The following ROBO4 variants were observed in gnomAD, a reference collection of about 807,000 sequenced individuals.
ROBO4 encodes the protein roundabout homolog 4.
A neutral mutation model predicts 103.3 loss-of-function variants in ROBO4; 80 were observed. The observed-to-expected ratio is 0.77, with a 90% CI of 0.65 to 0.93. The LOEUF (loss-of-function observed/expected upper bound fraction) is 0.93. Ranked by LOEUF, ROBO4 falls within the 40% of genes least tolerant of loss-of-function variation. ROBO4 has a pLI of 0.00. For missense variants in ROBO4, 1,333 were observed against 1,305.3 expected, an observed-to-expected ratio of 1.02 and a Z score of -0.33; for synonymous variants, 504 against 529.7, an observed-to-expected ratio of 0.95 and a Z score of 0.67.
chr11:124,896,691 G>C (rs765988726), intron 2 of ROBO4, 21 bp from the exon 3 acceptor site: 1 of 1,612,418 alleles, frequency 6.2e-7, no homozygotes, highest in Non-Finnish European at 8.5e-7. Context: ...GATGGAAGGT[G>C]ACACGGAGCA....
Position 124,885,096 on chromosome 11 carries a change from G to C in ROBO4, c.2946C>G (p.Asp982Glu). 1 of 1,614,198 alleles carries C rather than the reference G, an allele frequency of 6.2e-7. No homozygotes were observed. Among genetic ancestry groups the C allele is most frequent in the East Asian group, 2.2e-5 (1 of 44,878 alleles). The stretch of plus-strand genomic sequence containing the variant: ...GACTTCTCTGGGAAGAGATCTGAGA[G>C]TCAGGGGGCCAGGGAGGCATCCCCC... ...LGRGMPPWPP[D>E]SQISSQRSQL... Residue 982 changes from aspartate to glutamate, a missense_variant, in exon 17 of 18, where the codon GAC becomes GAG. By Grantham distance (45) the Asp-to-Glu change is conservative (BLOSUM62 2). Coordinates refer to ENST00000306534, the MANE Select transcript of ROBO4 (RefSeq NM_019055.6).
chr11:124,894,682 TTA>T (rs1946853865), intron 7 of ROBO4, among the ~76,000 whole-genome samples: 2 of 152,162 alleles, frequency 1.3e-5, no homozygotes, highest in African/African-American at 4.8e-5. Context: ...AGTTTCTGAT[TTA>T]TGAGGCCTGG....
chr11:124,897,016 A>C lies in ROBO4; in HGVS notation c.316T>G (p.Ser106Ala). Residue 106 changes from serine to alanine, a missense_variant, in exon 2 of 18, where the codon TCC becomes GCC. By Grantham distance (99) the Ser-to-Ala change is moderately conservative. Coordinates refer to ENST00000306534, the MANE Select transcript of ROBO4 (RefSeq NM_019055.6). ...RGHAHDGQAL[S>A]TDLGVYTCEA... ...CATGTGTAGACACCCAGGTCTGTGG[A>C]CAGGGCCTGGCCATCGTGGGCATGT... 6.2e-7 allele frequency: 1 copy of C among 1,614,084 alleles called. No individual in the cohort carries two copies. The highest frequency in any genetic ancestry group is 8.5e-7 in the Non-Finnish European group (1 of 1,180,016).
intron 10 of ROBO4, 135 bp downstream of exon 10, chr11:124,893,553 G>T (rs928622898): frequency 6.4e-6 from 5 of 776,398 alleles, no homozygotes; most frequent in Non-Finnish European, 1.2e-5. Context: ...ACTATCAGTT[G>T]GAGTTACAGG....
At chr11:124,892,307 T>C in intron 10 of ROBO4, 1 of 320,312 alleles carries the variant, frequency 3.1e-6, no homozygotes, top group Non-Finnish European at 6.1e-6. Context: ...GATATTGGCC[T>C]CTGGCTGCCT....
Position 124,891,334 on chromosome 11 carries a change from G to C in ROBO4, c.1913C>G (p.Ala638Gly). Residue 638 changes from alanine (A) to glycine (G), a missense_variant, in exon 12 of 18, where the codon GCC becomes GGC. By Grantham distance (60) the Ala-to-Gly change is moderately conservative. Transcript: ENST00000306534. ...TTTGGCCTTCCAAGCCTCTGCAGGG[G>C]CCAGAGACAAGCGGGGAGAAGAGAG... ...RGLSSPRLSL[A>G]PAEAWKAKKK... 6.5e-7 allele frequency: 1 copy of C among 1,531,310 alleles called. No homozygotes were observed. The highest frequency in any genetic ancestry group is 1.4e-5 in the African/African-American group (1 of 72,248). 94.9% of individuals were successfully genotyped at this position (1,531,310 alleles called of 1,614,324 possible).
chr11:124,885,523 G>T (rs994608625), intron 16 of ROBO4, among the ~76,000 whole-genome samples: 1 of 151,114 alleles, frequency 6.6e-6, no homozygotes, highest in Non-Finnish European at 1.5e-5. Flanking sequence ...TTCTTCTTCT[G>T]CCATCATGGG....
At position 124,886,554 on chromosome 11, in the gene ROBO4, C is replaced by T. The variant is rs533730092; in HGVS notation, c.2704G>A (p.Ala902Thr). 21 of 1,614,202 alleles carry T rather than the reference C, an allele frequency of 1.3e-5. No homozygotes were observed. Among genetic ancestry groups the T allele is most frequent in the African/African-American group, 5.3e-5 (4 of 75,064 alleles). ...LVSSSDGSFL[A>T]DAHFARALAV... ...AGGGCCCGGGCAAAGTGAGCATCAG[C>T]GAGGAAGGAGCCATCGGAGGAGCTG... The change falls in exon 16 of 18, where the codon GCT becomes ACT. Residue 902 changes from alanine (A) to threonine (T), a missense_variant. Physicochemically the swap from Ala to Thr is moderately conservative, Grantham distance 58. Coordinates refer to ENST00000306534, the MANE Select transcript of ROBO4 (RefSeq NM_019055.6).
In ROBO4 at chr11:124,884,184, A is replaced by G. The variant is rs1306640418; in HGVS notation, c.*707T>C. 6.6e-6 allele frequency: 1 copy of G among 152,194 alleles called. No individual in the cohort carries two copies. Among genetic ancestry groups the G allele is most frequent in the African/African-American group, 2.4e-5 (1 of 41,442 alleles). The allele number at this position is 152,194 out of a possible 1,614,324, so 9.4% of individuals were successfully genotyped here. A position where few individuals can be genotyped will look rare whatever the true frequency, so the allele number is the denominator to read the frequency against. ...TTGCCATCTCTCCAGGTGCTCCCCT[A>G]AAAATGGTGCTCCGGGGAATGATCT... is the stretch of plus-strand genomic sequence containing the variant. On this transcript the variant is annotated 3_prime_UTR_variant, in exon 18 of 18. Transcript: ENST00000306534.
At chr11:124,894,570 C>A (rs761590811) in intron 7 of ROBO4, 2 of 571,640 alleles carry the variant, frequency 3.5e-6, no homozygotes, top group Non-Finnish European at 6.1e-6. Context: ...AGGGCACAAG[C>A]AAGCTGCTAA....
rs1176850078 is a variant in ROBO4 at position 124,896,336 on chromosome 11, AC to A, written c.559-19del. 6.2e-7 allele frequency: 1 copy of A among 1,613,334 alleles called. No individual in the cohort carries two copies. Among genetic ancestry groups the A allele is most frequent in the Admixed American group, 1.7e-5 (1 of 59,974 alleles). On this transcript the variant is annotated intron_variant, in intron 3 of 17. Coordinates refer to ENST00000306534, the MANE Select transcript of ROBO4 (RefSeq NM_019055.6). Reference sequence around the variant, plus strand: ...CCGGACACCTGTCAGGGCCAGGTTCACTGTGAAGTCTCCTATGTGGGGAGGG... The same window carrying A: ...CCGGACACCTGTCAGGGCCAGGTTCATGTGAAGTCTCCTATGTGGGGAGGG...
Position 124,895,662 on chromosome 11 carries a change from G to T in ROBO4, c.831C>A (p.Ala277=), listed in dbSNP as rs757219027. The change falls in exon 6 of 18, where the codon GCC becomes GCA. Residue 277 remains alanine, a synonymous_variant. Coordinates refer to ENST00000306534, the MANE Select transcript of ROBO4 (RefSeq NM_019055.6). ...SWKVSGPAAP[A]QSYTALFRTQ... is the part of the protein sequence containing the mutation. ...TCCTGAACAAGGCCGTGTAAGATTG[G>T]GCAGGCGCAGCAGGGCCACTGACCT... The T allele has an allele frequency of 1.9e-6, 3 of 1,613,060 alleles. No homozygotes were observed. The highest frequency in any genetic ancestry group is 2.5e-6 in the Non-Finnish European group (3 of 1,179,328).
Position 124,895,537 on chromosome 11 carries a change from T to C in ROBO4, c.956A>G (p.Tyr319Cys). 1 of 1,612,484 alleles carries C rather than the reference T, an allele frequency of 6.2e-7. No individual in the cohort carries two copies. The highest frequency in any genetic ancestry group is 8.5e-7 in the Non-Finnish European group (1 of 1,180,012). Residue 319 changes from tyrosine to cysteine, a missense_variant, in exon 6 of 18, where the codon TAC becomes TGC. Physicochemically the swap from Tyr to Cys is radical, Grantham distance 194. Coordinates refer to ENST00000306534, the MANE Select transcript of ROBO4 (RefSeq NM_019055.6). Reference sequence around the variant, plus strand: ...AGAGGATGGTCTCACTTTGAACTCGTAGTCTTGGCCCCAGTGGAGGCCTCC... The same window carrying C: ...AGAGGATGGTCTCACTTTGAACTCGCAGTCTTGGCCCCAGTGGAGGCCTCC... Reference protein sequence around the residue: ...ELGGLHWGQDYEFKVRPSSGR... With the variant: ...ELGGLHWGQDCEFKVRPSSGR...
chr11:124,887,761 T>C lies in ROBO4; in HGVS notation c.2028A>G (p.Arg676=). 1.2e-6 allele frequency: 2 copies of C among 1,614,008 alleles called. No homozygotes were observed. Among genetic ancestry groups the C allele is most frequent in the African/African-American group, 2.7e-5 (2 of 75,026 alleles). ...LELRACELGN[R]GSKNLSQSPG... ...GGCTTTGGGAAAGGTTCTTGGAACC[T>C]CTATTTCCTAACTCACAGGCCCGGA... The change falls in exon 13 of 18, where the codon AGA becomes AGG. Residue 676 remains arginine (R), a synonymous_variant. Transcript: ENST00000306534.
Position 124,897,240 on chromosome 11 carries a change from G to C in ROBO4, c.92C>G (p.Pro31Arg), listed in dbSNP as rs998371318. Reference sequence around the variant, plus strand: ...CTGGGGGTGGACTAGGATCTGGGGCGGGGAGTCCTGAGCCATGCCTCCTGG... The same window carrying C: ...CTGGGGGTGGACTAGGATCTGGGGCCGGGAGTCCTGAGCCATGCCTCCTGG... Reference protein sequence around the residue: ...LIMGGMAQDSPPQILVHPQDQ... With the variant: ...LIMGGMAQDSRPQILVHPQDQ... Residue 31 changes from proline (P) to arginine (R), a missense_variant, in exon 2 of 18, where the codon CCG becomes CGG. Physicochemically the swap from Pro to Arg is moderately radical, Grantham distance 103 (BLOSUM62 -2). Transcript: ENST00000306534. 6.9e-7 allele frequency: 1 copy of C among 1,454,134 alleles called. No individual in the cohort carries two copies. Among genetic ancestry groups the C allele is most frequent in the African/African-American group, 1.4e-5 (1 of 70,272 alleles). 90.1% of individuals were successfully genotyped at this position (1,454,134 alleles called of 1,614,324 possible). A position where few individuals can be genotyped will look rare whatever the true frequency, so the allele number is the denominator to read the frequency against.
rs1225685486 is a variant in ROBO4, at chr11:124,895,648, G to A, written c.845C>T (p.Ala282Val). ...CGGGGCAGTCTGGGTCCTGAACAAG[G>A]CCGTGTAAGATTGGGCAGGCGCAGC... ...GPAAPAQSYT[A>V]LFRTQTAPGG... The change falls in exon 6 of 18, where the codon GCC becomes GTC. Residue 282 changes from alanine to valine, a missense_variant. Coordinates refer to ENST00000306534, the MANE Select transcript of ROBO4 (RefSeq NM_019055.6). 2.5e-6 allele frequency: 4 copies of A among 1,613,912 alleles called. No individual in the cohort carries two copies. The highest frequency in any genetic ancestry group is 4.5e-5 in the East Asian group (2 of 44,866).
rs1196662466 is a variant in ROBO4, at chr11:124,893,853, C to T, written c.1504+7G>A. The T allele has an allele frequency of 6.2e-7, 1 of 1,613,168 alleles. No homozygotes were observed. The highest frequency in any genetic ancestry group is 8.5e-7 in the Non-Finnish European group (1 of 1,179,678). ...TGTATACATGTGGGTCCCCCTCAGACTCTCACCTGGGCCCAGGTGCACCCT... is the reference window on the plus strand; with the variant it reads ...TGTATACATGTGGGTCCCCCTCAGATTCTCACCTGGGCCCAGGTGCACCCT... On this transcript the variant is annotated splice_region_variant and intron_variant, in intron 9 of 17. Transcript: ENST00000306534.
chr11:124,895,572 G>T lies in ROBO4; in HGVS notation c.921C>A (p.Ser307Arg), dbSNP rs534292971. 1 of 1,613,216 alleles carries T rather than the reference G, an allele frequency of 6.2e-7. No individual in the cohort carries two copies. The highest frequency in any genetic ancestry group is 1.7e-5 in the Admixed American group (1 of 60,012). The change falls in exon 6 of 18, where the codon AGC becomes AGA. Residue 307 changes from serine to arginine, a missense_variant. Ser to Arg is a moderately radical substitution (Grantham distance 110, BLOSUM62 -1). Transcript: ENST00000306534. ...WAEELLAGWQ[S>R]AELGGLHWGQ... ...CCCAGTGGAGGCCTCCAAGCTCTGC[G>T]CTCTGCCAGCCGGCCAGCAGCTCCT...
chr11:124,892,218 C>T (rs1196228774), intron 10 of ROBO4: 4 of 371,334 alleles, frequency 1.1e-5, no homozygotes, highest in African/African-American at 2.1e-5. Flanking sequence ...TAGGGCCTTC[C>T]ACACTCAAGA....
Sources: gnomAD v4.1 joint callset for allele counts (sites outside exome capture counted in the v4.1 genomes callset) on GRCh38, gnomAD v4.1.1 for gene constraint, MANE v1.5 for transcripts, NCBI Gene and HGNC (gene_info 2026-07-23, HGNC 2026-07-21) for gene names.